The following PFKM variants were observed in gnomAD, a reference collection of about 807,000 sequenced individuals.
The protein encoded by PFKM is ATP-dependent 6-phosphofructokinase, muscle type.
A neutral mutation model predicts 95.5 loss-of-function variants in PFKM; 58 were observed. That is an observed-to-expected ratio of 0.61 (90% CI 0.49 to 0.76). The LOEUF (loss-of-function observed/expected upper bound fraction) is 0.76. PFKM is among the 30% of genes least tolerant of loss of function. PFKM has a pLI of 0.00. For missense variants in PFKM, 678 were observed against 1,005.4 expected (o/e 0.67, Z 4.40); for synonymous variants, 336 against 357.2 (o/e 0.94, Z 0.67).
chr12:48,125,146 A>G (rs1007941099), intron 2 of PFKM, among the ~76,000 whole-genome samples: 2 of 152,084 alleles, frequency 1.3e-5, no homozygotes, highest in African/African-American at 4.8e-5. Flanking sequence ...ACCAAATCCT[A>G]ATTCCCTTTC....
rs778436959 is a variant in PFKM, at chr12:48,140,797, G to A, written c.1267G>A (p.Val423Met). The A allele has an allele frequency of 6.2e-7, 1 of 1,614,218 alleles. No individual in the cohort carries two copies. The highest frequency in any genetic ancestry group is 8.5e-7 in the Non-Finnish European group (1 of 1,180,034). The change falls in exon 14 of 23, where the codon GTG (valine) becomes ATG (methionine). Residue 423 changes from valine (V) to methionine (M), a missense_variant. Val to Met is a conservative substitution (Grantham distance 21). Transcript: ENST00000359794. ...AGMNAAVRSTVRIGLIQGNRV... is the reference protein window; with the variant it reads ...AGMNAAVRSTMRIGLIQGNRV... The stretch of plus-strand genomic sequence containing the variant: ...CATGAATGCTGCTGTTCGCTCCACT[G>A]TGAGGATTGGCCTTATCCAGGGCAA...
intron 18 of PFKM, 148 bp from the exon 19 acceptor site, chr12:48,143,605 C>T: frequency 5.7e-6 from 4 of 702,628 alleles, no homozygotes; most frequent in Non-Finnish European, 1.0e-5. Flanking sequence ...GAGCTTCTTA[C>T]AGGAATTAGG....
chr12:48,138,783 G>T (rs1014829348), intron 11 of PFKM, among the ~76,000 whole-genome samples: 1 of 152,146 alleles, frequency 6.6e-6, no homozygotes, highest in South Asian at 2.1e-4. Context: ...TGCCAGGCAC[G>T]GTGGCTCACG....
At chr12:48,107,315 C>G in intron 1 of PFKM, 1 of 1,214,572 alleles carries the variant, frequency 8.2e-7, no homozygotes, top group Admixed American at 1.7e-5. Context: ...TCACTGACAT[C>G]TTATTTCACA....
upstream of PFKM, chr12:48,118,502 C>A (rs4760682): frequency 0.83 from 1,250,493 of 1,505,510 alleles, 521,697 homozygotes; most frequent in East Asian, 1. Flanking sequence ...GGTAGAGATA[C>A]AAGTAAGCAA....
At chr12:48,137,614 G>C in intron 10 of PFKM, 107 bp from the exon 11 acceptor site, 3 of 1,311,806 alleles carry the variant, frequency 2.3e-6, no homozygotes, top group Non-Finnish European at 3.3e-6. Flanking sequence ...TTAATTGTGA[G>C]ACTCAGTCTT....
intron 10 of PFKM, 73 bp downstream of exon 10, chr12:48,135,456 A>C (rs1334892048): frequency 9.4e-7 from 1 of 1,067,328 alleles, no homozygotes; most frequent in Non-Finnish European, 1.4e-6. Flanking sequence ...TCAGGGCTGC[A>C]CTTCACCAGA....
At chr12:48,143,929 G>A in intron 19 of PFKM, 115 bp downstream of exon 19, 1 of 1,086,084 alleles carries the variant, frequency 9.2e-7, no homozygotes, top group Non-Finnish European at 1.4e-6. Context: ...AAGGGAGGGG[G>A]CCAGCCTATC....
At position 48,137,614 on chromosome 12, in the gene PFKM, G is replaced by A. The variant is rs533293299; in HGVS notation, c.937-107G>A. On this transcript the variant is annotated intron_variant, in intron 10 of 22. Coordinates refer to ENST00000359794, the MANE Select transcript of PFKM (RefSeq NM_000289.6). ...TCTTTGCTGCAGTTCTTAATTGTGA[G>A]ACTCAGTCTTGTGATTTGGAAAAGG... is the stretch of plus-strand genomic sequence containing the variant. The A allele has an allele frequency of 5.5e-4, 718 of 1,311,798 alleles. 2 individuals carry two copies. Among genetic ancestry groups the A allele is most frequent in the Middle Eastern group, 1.9e-3 (8 of 4,156 alleles). The allele number at this position is 1,311,798 out of a possible 1,614,324, so 81.3% of individuals were successfully genotyped here.
intron 15 of PFKM, 48 bp from the exon 16 acceptor site, chr12:48,141,692 C>T: frequency 1.4e-6 from 2 of 1,389,488 alleles, no homozygotes; most frequent in Non-Finnish European, 2.1e-6. Context: ...CTGTCTCTTC[C>T]CCAAATTCCA....
At chr12:48,120,952 ACCAG>A (rs1948193630) in intron 1 of PFKM, among the ~76,000 whole-genome samples, 1 of 152,192 alleles carries the variant, frequency 6.6e-6, no homozygotes, top group Admixed American at 6.5e-5. Context: ...GGAGTTCAAG[ACCAG>A]CTTGACCGAC....
chr12:48,110,662 C>T (rs555423363), intron 3 of PFKM, among the ~76,000 whole-genome samples: 2 of 152,332 alleles, frequency 1.3e-5, no homozygotes, highest in South Asian at 4.1e-4. Context: ...GGGTGTTCTG[C>T]TCCTTGTTCT....
chr12:48,116,168 C>T (rs1196586604), upstream of PFKM, among the ~76,000 whole-genome samples: 2 of 147,370 alleles, frequency 1.4e-5, no homozygotes, highest in Non-Finnish European at 3.0e-5. Context: ...CTCCCTGCCT[C>T]CTTCCTTTCT....
chr12:48,138,648 G>A (rs540672209), intron 11 of PFKM, among the ~76,000 whole-genome samples: 7 of 152,200 alleles, frequency 4.6e-5, no homozygotes, highest in Non-Finnish European at 8.8e-5. Flanking sequence ...TTACCTGTAG[G>A]ATCTTCATTT....
chr12:48,130,446 G>A lies in PFKM; in HGVS notation c.159+10G>A, dbSNP rs772752063. The A allele has an allele frequency of 3.1e-6, 5 of 1,599,222 alleles. No individual in the cohort carries two copies. Among genetic ancestry groups the A allele is most frequent in the Admixed American group, 1.7e-5 (1 of 60,016 alleles). The stretch of plus-strand genomic sequence containing the variant: ...CTTCTTTGTCCATGAGGTTGGTTCT[G>A]TACTTTGTTCTTCATCATTCTTTCT... On this transcript the variant is annotated intron_variant, in intron 3 of 22. Transcript: ENST00000359794.
At chr12:48,117,737 G>C (rs1003799080), upstream of PFKM, among the ~76,000 whole-genome samples, 1 of 152,214 alleles carries the variant, frequency 6.6e-6, no homozygotes, top group African/African-American at 2.4e-5. Context: ...CCAAATACGA[G>C]TGACCAATAG....
chr12:48,122,487 A>G, intron 1 of PFKM: 2 of 892,598 alleles, frequency 2.2e-6, no homozygotes, highest in Non-Finnish European at 3.0e-6. Flanking sequence ...CCCTGACCTT[A>G]GTTTATTCCC....
rs142034760 is a variant in PFKM, at chr12:48,109,046, T to C, written c.205+852T>C. On this transcript the variant is annotated intron_variant, in intron 3 of 24. Coordinates refer to the PFKM transcript ENST00000340802. ...TTTGAGCACTCACTATTTGAAATCA[T>C]TGGGCTAGACTCTGTAGGAAATGAG... 5.3e-5 allele frequency among the ~76,000 whole-genome samples: 8 copies of C among 152,340 alleles called. No homozygotes were observed. In the East Asian group the frequency reaches 1.5e-3, roughly 29 times the overall value.
intron 2 of PFKM, 91 bp from the exon 3 acceptor site, chr12:48,130,272 G>A (rs1017561870): frequency 1.2e-5 from 10 of 847,998 alleles, no homozygotes; most frequent in African/African-American, 3.3e-5. Flanking sequence ...GTACTGATTC[G>A]TTATCTTTAG....
Sources: allele counts gnomAD v4.1 joint callset (sites outside exome capture counted in the v4.1 genomes callset), GRCh38; gene constraint gnomAD v4.1.1; transcripts MANE v1.5; gene names NCBI Gene and HGNC (gene_info 2026-07-23, HGNC 2026-07-21).